The following SLC30A10 variants were observed in gnomAD, a reference collection of about 807,000 sequenced individuals.
The protein encoded by SLC30A10 is calcium/manganese antiporter SLC30A10.
Under a neutral mutation model 21.7 loss-of-function variants are expected in SLC30A10, and 8 were observed. That is an observed-to-expected ratio of 0.37 (90% CI 0.22 to 0.67). The LOEUF (loss-of-function observed/expected upper bound fraction) is 0.67, where lower values mean the gene tolerates loss of function less well. SLC30A10 is among the 30% of genes least tolerant of loss of function. The probability of loss-of-function intolerance (pLI) is 0.58; values close to 1 mark genes in which losing one functional copy is unlikely to be tolerated. For missense variants in SLC30A10, 521 were observed against 642.5 expected, an observed-to-expected ratio of 0.81 and a Z score of 2.04; for synonymous variants, 272 against 279.4, an observed-to-expected ratio of 0.97 and a Z score of 0.26.
chr1:219,932,705 C>CCTTTTTTTTTTTTTTTTTTTTTT (rs1659985891), upstream of SLC30A10, among the ~76,000 whole-genome samples: 1 of 64,888 alleles, frequency 1.5e-5, no homozygotes, highest in Non-Finnish European at 3.3e-5. Context: ...AGTAACCATT[C>CCTTTTTTTTTTTTTTTTTTTTTT]TTTTTTTTTT....
At position 219,911,614 on chromosome 1, in the gene SLC30A10, A is replaced by T. The variant is rs1181101179; in HGVS notation, c.*3835T>A. On this transcript the variant is annotated 3_prime_UTR_variant, in exon 4 of 4. Transcript: ENST00000366926. ...GGGATTTATAAGGGCTTTTCATTTCAAATTACATTTTTCTTTAAATATCCA... is the reference window on the plus strand; with the variant it reads ...GGGATTTATAAGGGCTTTTCATTTCTAATTACATTTTTCTTTAAATATCCA... Among the ~76,000 whole-genome samples the T allele has an allele frequency of 2.0e-5, 3 of 151,706 alleles. No homozygotes were observed. Among genetic ancestry groups the T allele is most frequent in the Non-Finnish European group, 4.4e-5 (3 of 68,032 alleles).
chr1:219,953,308 A>G (rs892282586), intron 1 of SLC30A10, among the ~76,000 whole-genome samples: 1 of 152,120 alleles, frequency 6.6e-6, no homozygotes, highest in Non-Finnish European at 1.5e-5. Flanking sequence ...TTGAAAAGCC[A>G]CCTTCAGGCC....
At chr1:219,921,209 G>C (rs1659668603) in intron 2 of SLC30A10, among the ~76,000 whole-genome samples, 1 of 152,146 alleles carries the variant, frequency 6.6e-6, no homozygotes, top group Non-Finnish European at 1.5e-5. Flanking sequence ...CATTTCTCTG[G>C]AGTGATGAGT....
At chr1:219,938,689 TA>T (rs1660078540) in intron 1 of SLC30A10, among the ~76,000 whole-genome samples, 1 of 152,232 alleles carries the variant, frequency 6.6e-6, no homozygotes, top group Admixed American at 6.5e-5. Context: ...TATCTTATGT[TA>T]TCAATTGCTT....
rs2102524664 is a variant in SLC30A10 at position 219,915,825 on chromosome 1, T to C, written c.1082A>G (p.Asp361Gly). The C allele has an allele frequency of 6.2e-7, 1 of 1,614,220 alleles. No homozygotes were observed. The highest frequency in any genetic ancestry group is 8.5e-7 in the Non-Finnish European group (1 of 1,180,046). The change falls in exon 4 of 4, where the codon GAT becomes GGT. Residue 361 changes from aspartate (D) to glycine (G), a missense_variant. Transcript: ENST00000366926. ...GATTTCTCGAATTTTTGTGCTGGCA[T>C]CTTGATATCCCCTGTCCTTAGGATA... is the stretch of plus-strand genomic sequence containing the variant. ...IKYPKDRGYQ[D>G]ASTKIREIFH...
intron 1 of SLC30A10, among the ~76,000 whole-genome samples, chr1:219,958,063 A>G (rs1660376105): frequency 6.6e-6 from 1 of 152,156 alleles, no homozygotes; most frequent in Non-Finnish European, 1.5e-5. Flanking sequence ...ACCATTCCTC[A>G]AATATATTCC....
At chr1:219,956,911 A>G (rs1660362301) in intron 1 of SLC30A10, among the ~76,000 whole-genome samples, 1 of 152,208 alleles carries the variant, frequency 6.6e-6, no homozygotes. Flanking sequence ...TGTGCAGGTA[A>G]ATGTTGTATG....
Position 219,928,111 on chromosome 1 carries a change from G to A in SLC30A10, c.330C>T (p.Ile110=). ...AVLRLARPER[I]DDPELVLIVG... ...CGATGAGCACCAGCTCGGGGTCATCGATGCGCTCGGGCCGGGCCAGGCGCA... is the reference window on the plus strand; with the variant it reads ...CGATGAGCACCAGCTCGGGGTCATCAATGCGCTCGGGCCGGGCCAGGCGCA... The change falls in exon 1 of 4, where the codon ATC becomes ATT. Residue 110 remains isoleucine, a synonymous_variant. Coordinates refer to ENST00000366926, the MANE Select transcript of SLC30A10 (RefSeq NM_018713.3). The surrounding 1 kb of genome is among the most constrained non-coding windows in gnomAD (Gnocchi z 6.3). 1.3e-6 allele frequency: 2 copies of A among 1,573,486 alleles called. No homozygotes were observed. Among genetic ancestry groups the A allele is most frequent in the Non-Finnish European group, 8.6e-7 (1 of 1,160,560 alleles).
chr1:219,923,459 T>C (rs1659743133), intron 2 of SLC30A10, among the ~76,000 whole-genome samples: 1 of 152,198 alleles, frequency 6.6e-6, no homozygotes, highest in African/African-American at 2.4e-5. Flanking sequence ...ATTTGTTGAA[T>C]GACTGGAAAT....
intron 1 of SLC30A10, among the ~76,000 whole-genome samples, chr1:219,941,180 A>G (rs966842950): frequency 6.6e-6 from 1 of 152,232 alleles, no homozygotes; most frequent in South Asian, 2.1e-4. Flanking sequence ...AGAATGAGAC[A>G]TTCAGTTGAA....
At chr1:219,951,967 A>G (rs374271280) in intron 1 of SLC30A10, among the ~76,000 whole-genome samples, 1 of 152,150 alleles carries the variant, frequency 6.6e-6, no homozygotes, top group East Asian at 1.9e-4. Context: ...CCACTAACCC[A>G]TCATCAAAAC....
At position 219,918,226 on chromosome 1, in the gene SLC30A10, G is replaced by T. The variant is rs1374430732; in HGVS notation, c.958+29C>A. 4 of 1,607,948 alleles carry T rather than the reference G, an allele frequency of 2.5e-6. No homozygotes were observed. The highest frequency in any genetic ancestry group is 1.1e-5 in the South Asian group (1 of 89,952). On this transcript the variant is annotated intron_variant, in intron 3 of 3. Coordinates refer to ENST00000366926, the MANE Select transcript of SLC30A10 (RefSeq NM_018713.3). This position sits in a 1 kb window ranked among gnomAD's most constrained non-coding sequence, Gnocchi z 4.4. ...GCCTGAATAACATTAAATTGAGAGT[G>T]GTTCTGGATCAAAATTCAGTCTACT...
intron 1 of SLC30A10, among the ~76,000 whole-genome samples, chr1:219,956,244 C>G (rs973751716): frequency 6.6e-6 from 1 of 150,732 alleles, no homozygotes; most frequent in East Asian, 1.9e-4. Flanking sequence ...GATCATAGCT[C>G]ACTGCAGCCT....
At chr1:219,938,013 T>C (rs1660069780) in intron 1 of SLC30A10, among the ~76,000 whole-genome samples, 1 of 152,162 alleles carries the variant, frequency 6.6e-6, no homozygotes, top group Non-Finnish European at 1.5e-5. Context: ...TCACCTGGGG[T>C]AATTATTATT....
At chr1:219,917,355 C>T (rs937249774) in intron 3 of SLC30A10, among the ~76,000 whole-genome samples, 11 of 151,934 alleles carry the variant, frequency 7.2e-5, no homozygotes, top group South Asian at 2.1e-4. Flanking sequence ...CAGTATATAT[C>T]ACAAATTTCT....
exon 1 of SLC30A10, chr1:219,958,623 G>A (rs1660382669): frequency 6.6e-6 from 1 of 152,614 alleles, no homozygotes; most frequent in Non-Finnish European, 1.5e-5. Context: ...AGTCCAAGAA[G>A]ATGACATAGT....
rs894170488 is a variant in SLC30A10 at position 219,918,544 on chromosome 1, G to A, written c.719-50C>T. The A allele has an allele frequency of 1.3e-6, 2 of 1,527,480 alleles. No homozygotes were observed. Among genetic ancestry groups the A allele is most frequent in the African/African-American group, 1.4e-5 (1 of 72,344 alleles). The allele number at this position is 1,527,480 out of a possible 1,614,324, so 94.6% of individuals were successfully genotyped here. Reference sequence around the variant, plus strand: ...GCACAGATGCAAATCTGGAAGCCACGTGACACTCACTGACTTGGGTGTCCG... The same window carrying A: ...GCACAGATGCAAATCTGGAAGCCACATGACACTCACTGACTTGGGTGTCCG... On this transcript the variant is annotated intron_variant, in intron 2 of 3. Coordinates refer to ENST00000366926, the MANE Select transcript of SLC30A10 (RefSeq NM_018713.3). The surrounding 1 kb of genome is among the most constrained non-coding windows in gnomAD (Gnocchi z 4.4).
chr1:219,938,064 C>G (rs1183505038), intron 1 of SLC30A10, among the ~76,000 whole-genome samples: 1 of 151,974 alleles, frequency 6.6e-6, no homozygotes, highest in Admixed American at 6.6e-5. Context: ...TTTGCTGGTT[C>G]CTTTTTTAAC....
chr1:219,939,918 T>C (rs986342413), intron 1 of SLC30A10, among the ~76,000 whole-genome samples: 4 of 152,198 alleles, frequency 2.6e-5, no homozygotes, highest in African/African-American at 9.7e-5. Flanking sequence ...GTCTTTTGCA[T>C]GTGGAAGTGA....
Sources: allele counts gnomAD v4.1 joint callset (sites outside exome capture counted in the v4.1 genomes callset), GRCh38; gene constraint gnomAD v4.1.1; non-coding constraint Gnocchi (gnomAD v3.1); transcripts MANE v1.5; gene names NCBI Gene and HGNC (gene_info 2026-07-23, HGNC 2026-07-21).